Variants in VWA8 observed in about 807,000 individuals in gnomAD.
VWA8 encodes the protein von Willebrand factor A domain-containing protein 8.
In VWA8, 221 loss-of-function variants were observed where a neutral mutation model predicts 241.5. The ratio of observed to expected loss-of-function variants is 0.91; its 90% CI spans 0.82 to 1.02. VWA8 has a LOEUF of 1.02. Among genes scored for constraint, VWA8 ranks in the 50% least tolerant of loss-of-function variants. The probability of loss-of-function intolerance (pLI) is 0.00; values close to 1 mark genes in which losing one functional copy is unlikely to be tolerated. For synonymous variants in VWA8, 852 were observed against 827.1 expected (o/e 1.03, Z -0.52); for missense variants, 2,322 against 2,328.7 (o/e 1.00, Z 0.06).
chr13:41,943,005 C>T (rs1877672283), intron 2 of VWA8, among the ~76,000 whole-genome samples: 1 of 152,194 alleles, frequency 6.6e-6, no homozygotes, highest in Admixed American at 6.5e-5. Flanking sequence ...AATCTGGCAG[C>T]TATACAGCAA....
At chr13:41,644,462 A>C (rs2044817830) in intron 37 of VWA8, among the ~76,000 whole-genome samples, 1 of 152,256 alleles carries the variant, frequency 6.6e-6, no homozygotes, top group Non-Finnish European at 1.5e-5. Flanking sequence ...GGCCAGGGCC[A>C]CTGTCTGTGT....
chr13:41,908,596 G>A (rs1875838827), intron 3 of VWA8, among the ~76,000 whole-genome samples: 2 of 151,196 alleles, frequency 1.3e-5, no homozygotes, highest in Non-Finnish European at 1.5e-5. Flanking sequence ...AAAAGGAGGA[G>A]GAAAAGGAAG....
At chr13:41,936,169 C>T (rs9525555) in intron 2 of VWA8, among the ~76,000 whole-genome samples, 34,986 of 151,992 alleles carry the variant, frequency 0.23, 4,091 homozygotes, top group East Asian at 0.29. Context: ...ATGAAAATGC[C>T]ATTTCCCTGA....
In VWA8 at chr13:41,573,486, A is replaced by AATATATATATATATAT. The variant is rs1555303590; in HGVS notation, c.5370+2238_5370+2253dup. Among the ~76,000 whole-genome samples, 65 of 113,588 alleles carry AATATATATATATATAT rather than the reference A, an allele frequency of 5.7e-4. No homozygotes were observed. The South Asian group carries it at 7.5e-3, about 13-fold the overall frequency. The allele number at this position is 113,588 out of a possible 152,430, so 74.5% of individuals were successfully genotyped here. ...GGTGGCTATAGTTTAAAAAAAAAAA[A>AATATATATATATATAT]ATATATATATATATATATATACCTC... On this transcript the variant is annotated intron_variant, in intron 43 of 44. Transcript: ENST00000379310.
intron 21 of VWA8, among the ~76,000 whole-genome samples, chr13:41,745,171 G>A (rs752576467): frequency 5.9e-5 from 9 of 151,808 alleles, no homozygotes; most frequent in Non-Finnish European, 1.2e-4. Context: ...TTAAGTTCTA[G>A]GGTACATGTG....
At chr13:41,751,740 T>G (rs1283145594) in intron 21 of VWA8, among the ~76,000 whole-genome samples, 1 of 152,180 alleles carries the variant, frequency 6.6e-6, no homozygotes, top group Non-Finnish European at 1.5e-5. Context: ...AGAGGAAAAG[T>G]AAGTGTTTTA....
intron 1 of VWA8, among the ~76,000 whole-genome samples, chr13:41,958,842 T>G (rs1566052431): frequency 6.6e-6 from 1 of 152,244 alleles, no homozygotes; most frequent in Admixed American, 6.5e-5. Flanking sequence ...CTCTCACATT[T>G]GAAGCAAAGC....
intron 20 of VWA8, among the ~76,000 whole-genome samples, chr13:41,774,956 G>A (rs1868522080): frequency 1.3e-5 from 2 of 152,182 alleles, no homozygotes; most frequent in African/African-American, 4.8e-5. Context: ...TTGCCACTCT[G>A]AGGTTAAGAG....
intron 17 of VWA8, among the ~76,000 whole-genome samples, chr13:41,802,684 A>G (rs767841547): frequency 1.3e-5 from 2 of 152,248 alleles, no homozygotes; most frequent in Non-Finnish European, 1.5e-5. Flanking sequence ...ACAAATTGCT[A>G]AAGTCCCCAA....
At chr13:41,774,880 T>A (rs1349059627) in intron 20 of VWA8, among the ~76,000 whole-genome samples, 1 of 151,762 alleles carries the variant, frequency 6.6e-6, no homozygotes, top group African/African-American at 2.4e-5. Context: ...TCACAGAGAG[T>A]TAAAAAATCT....
Position 41,734,975 on chromosome 13 carries a change from GT to G in VWA8, c.2427-2821del, listed in dbSNP as rs1386899406. 2.0e-5 allele frequency among the ~76,000 whole-genome samples: 3 copies of G among 152,088 alleles called. No homozygotes were observed. The East Asian group carries it at 5.8e-4, about 29-fold the overall frequency. On this transcript the variant is annotated intron_variant, in intron 21 of 44. Coordinates refer to ENST00000379310, the MANE Select transcript of VWA8 (RefSeq NM_015058.2). ...ATATATCTATTTTCTGTATTTACGG[GT>G]TTTATAAACTTACTGCAGGGCATAT...
chr13:41,672,771 T>C (rs1448026269), intron 36 of VWA8, among the ~76,000 whole-genome samples: 1 of 152,182 alleles, frequency 6.6e-6, no homozygotes, highest in African/African-American at 2.4e-5. Context: ...GAAGGTAACA[T>C]TTGATACAAT....
At chr13:41,878,930 T>C (rs1315623514) in intron 9 of VWA8, among the ~76,000 whole-genome samples, 1 of 152,182 alleles carries the variant, frequency 6.6e-6, no homozygotes, top group East Asian at 1.9e-4. Flanking sequence ...TAACTGACTT[T>C]ATTAGACACT....
At chr13:41,887,512 T>A in intron 5 of VWA8, 151 bp from the exon 6 acceptor site, 1 of 848,706 alleles carries the variant, frequency 1.2e-6, no homozygotes, top group Non-Finnish European at 1.7e-6. Context: ...GGCAGCAAAG[T>A]GAAATCAGGT....
Position 41,567,345 on chromosome 13 carries a change from T to C in VWA8, c.*852A>G, listed in dbSNP as rs2044267961. On this transcript the variant is annotated 3_prime_UTR_variant, in exon 45 of 45. Transcript: ENST00000379310. ...TTTACTTTGCTTTAGGTAATTTTTA[T>C]ATGAATATTCTCAATAAATAATTTT... The C allele has an allele frequency of 6.6e-6, 1 of 152,270 alleles. No homozygotes were observed. Among genetic ancestry groups the C allele is most frequent in the South Asian group, 2.1e-4 (1 of 4,828 alleles). The allele number at this position is 152,270 out of a possible 1,614,324, so 9.4% of individuals were successfully genotyped here. A position where few individuals can be genotyped will look rare whatever the true frequency, so the allele number is the denominator to read the frequency against.
intron 13 of VWA8, among the ~76,000 whole-genome samples, chr13:41,831,175 G>A (rs1871436482): frequency 6.6e-6 from 1 of 152,136 alleles, no homozygotes; most frequent in Admixed American, 6.5e-5. Flanking sequence ...TGTTGCAATG[G>A]CTGAAAAGCA....
At chr13:41,829,976 C>T (rs915393890) in intron 14 of VWA8, among the ~76,000 whole-genome samples, 1 of 152,166 alleles carries the variant, frequency 6.6e-6, no homozygotes, top group African/African-American at 2.4e-5. Flanking sequence ...GGCACAGTGG[C>T]TCACGCCTGT....
Position 41,655,096 on chromosome 13 carries a change from T to TC in VWA8, c.4611+15849_4611+15850insG, listed in dbSNP as rs1241192903. ...CTTGTGAGGAAAAACTGAAATTTTT[T>TC]TTTTTTTTTTTTGAGACAGAGTCTC... On this transcript the variant is annotated intron_variant, in intron 37 of 44. Transcript: ENST00000379310. Among the ~76,000 whole-genome samples, 4 of 151,722 alleles carry TC rather than the reference T, an allele frequency of 2.6e-5. No individual in the cohort carries two copies. The East Asian group carries it at 7.7e-4, about 29-fold the overall frequency.
rs1458095691 is a variant in VWA8, at chr13:41,936,426, G to A, written c.241+13510C>T. The stretch of plus-strand genomic sequence containing the variant: ...TACATGAGATACTTGTATATTAAGT[G>A]AGTTATTTCTCTATCATTTGTGTTA... On this transcript the variant is annotated intron_variant, in intron 2 of 44. Transcript: ENST00000379310. 2.0e-5 allele frequency among the ~76,000 whole-genome samples: 3 copies of A among 152,096 alleles called. No homozygotes were observed. In the East Asian group the frequency reaches 5.8e-4, roughly 29 times the overall value.
Sources: gnomAD v4.1 joint callset for allele counts (sites outside exome capture counted in the v4.1 genomes callset) on GRCh38, gnomAD v4.1.1 for gene constraint, MANE v1.5 for transcripts, NCBI Gene and HGNC (gene_info 2026-07-23, HGNC 2026-07-21) for gene names.